RNF216: variants seen among roughly 807,000 people sequenced by gnomAD.
RNF216 encodes the protein E3 ubiquitin-protein ligase RNF216.
In RNF216, 72 loss-of-function variants were observed where a neutral mutation model predicts 110.8. That is an observed-to-expected ratio of 0.65 (90% confidence interval 0.54 to 0.79). The LOEUF (loss-of-function observed/expected upper bound fraction) is 0.79, where lower values mean the gene tolerates loss of function less well. RNF216 is among the 30% of genes least tolerant of loss of function. RNF216 has a pLI of 0.00. For synonymous variants in RNF216, 495 were observed against 407.5 expected (o/e 1.21, Z -2.59); for missense variants, 1,342 against 1,141.2 (o/e 1.18, Z -2.54).
intron 3 of RNF216, among the ~76,000 whole-genome samples, chr7:5,750,395 A>G (rs989306284): frequency 1.3e-5 from 2 of 152,236 alleles, no homozygotes; most frequent in African/African-American, 2.4e-5. Context: ...GTGCTTTCAA[A>G]TATGTGGTTA....
chr7:5,735,633 G>C (rs1003920602), intron 5 of RNF216, among the ~76,000 whole-genome samples: 2 of 152,164 alleles, frequency 1.3e-5, no homozygotes, highest in African/African-American at 4.8e-5. Context: ...GCATCTCAGA[G>C]ACAAAGAGGT....
intron 13 of RNF216, among the ~76,000 whole-genome samples, chr7:5,684,967 A>AG (rs759094413): frequency 6.6e-6 from 1 of 152,042 alleles, no homozygotes; most frequent in African/African-American, 2.4e-5. Flanking sequence ...CAGGATGTGC[A>AG]GGGGGTATCA....
chr7:5,647,492 C>T (rs1358398145), intron 14 of RNF216, among the ~76,000 whole-genome samples: 2 of 151,834 alleles, frequency 1.3e-5, no homozygotes, highest in African/African-American at 4.8e-5. Flanking sequence ...TGCCACCATG[C>T]CTGGCTAATT....
At chr7:5,731,808 A>T (rs1406460743) in intron 5 of RNF216, among the ~76,000 whole-genome samples, 1 of 151,422 alleles carries the variant, frequency 6.6e-6, no homozygotes, top group Non-Finnish European at 1.5e-5. Flanking sequence ...TAAGGCCTGT[A>T]ATAGTAGAAC....
chr7:5,734,825 A>AAAATAAATAAATAAATAAATAAATAAAT (rs577475175), intron 5 of RNF216, among the ~76,000 whole-genome samples: 69 of 118,138 alleles, frequency 5.8e-4, no homozygotes, highest in Non-Finnish European at 9.3e-4. Flanking sequence ...ACTCTCTCTC[A>AAAATAAATAAATAAATAAATAAATAAAT]AAATAAATAA....
At chr7:5,660,138 C>T (rs1341536605) in intron 13 of RNF216, among the ~76,000 whole-genome samples, 2 of 151,388 alleles carry the variant, frequency 1.3e-5, no homozygotes, top group African/African-American at 2.4e-5. Context: ...TTTATTTGTA[C>T]AGACAGGTAT....
chr7:5,767,651 A>G (rs149516044), intron 1 of RNF216, among the ~76,000 whole-genome samples: 14 of 151,384 alleles, frequency 9.2e-5, no homozygotes, highest in African/African-American at 2.9e-4. Context: ...CCCAGGCTGA[A>G]GTAATGGTGC....
chr7:5,771,962 G>C lies in RNF216; in HGVS notation c.-70+9579C>G, dbSNP rs557252413. ...ACTAAAACCACAAGGGGCCGGGCGT[G>C]GTGGCTCACGCCTGTAATCCCAGCA... On this transcript the variant is annotated intron_variant, in intron 1 of 16. Transcript: ENST00000389902. 3.3e-5 allele frequency among the ~76,000 whole-genome samples: 5 copies of C among 151,416 alleles called. No individual in the cohort carries two copies. In the East Asian group the frequency reaches 1.0e-3, roughly 30 times the overall value.
chr7:5,675,173 G>C (rs1790199211), intron 13 of RNF216, among the ~76,000 whole-genome samples: 1 of 152,136 alleles, frequency 6.6e-6, no homozygotes, highest in Admixed American at 6.6e-5. Context: ...GCTCAAATAA[G>C]GTACCAACTA....
At chr7:5,689,380 G>T (rs948036348) in intron 13 of RNF216, among the ~76,000 whole-genome samples, 1 of 133,490 alleles carries the variant, frequency 7.5e-6, no homozygotes. Flanking sequence ...AAAAAAAAAA[G>T]AAAGAAGAAG....
chr7:5,706,936 G>C (rs1792328267), intron 13 of RNF216, among the ~76,000 whole-genome samples: 1 of 150,310 alleles, frequency 6.7e-6, no homozygotes. Flanking sequence ...TTAAAGAGTT[G>C]ATTTTTGTGT....
At chr7:5,631,926 C>T (rs1787097305) in intron 15 of RNF216, among the ~76,000 whole-genome samples, 1 of 152,184 alleles carries the variant, frequency 6.6e-6, no homozygotes, top group Non-Finnish European at 1.5e-5. Context: ...TAGCTCACAC[C>T]CCCTTCTCCA....
At chr7:5,660,142 C>G (rs1038027826) in intron 13 of RNF216, among the ~76,000 whole-genome samples, 1 of 151,312 alleles carries the variant, frequency 6.6e-6, no homozygotes, top group East Asian at 1.9e-4. Flanking sequence ...TTTGTACAGA[C>G]AGGTATTGCT....
intron 14 of RNF216, among the ~76,000 whole-genome samples, chr7:5,648,806 C>A (rs1015581416): frequency 6.6e-6 from 1 of 151,812 alleles, no homozygotes; most frequent in Admixed American, 6.6e-5. Context: ...AGAAACCAGC[C>A]AACTCTAGAA....
chr7:5,702,085 A>C (rs1190343117), intron 13 of RNF216, among the ~76,000 whole-genome samples: 5 of 152,150 alleles, frequency 3.3e-5, no homozygotes, highest in African/African-American at 1.2e-4. Context: ...GGGTTCTCGG[A>C]GCCCACGCTG....
intron 13 of RNF216, among the ~76,000 whole-genome samples, chr7:5,701,784 G>A (rs1791987027): frequency 6.6e-6 from 1 of 152,186 alleles, no homozygotes; most frequent in African/African-American, 2.4e-5. Flanking sequence ...ACCCAGTGCT[G>A]TGCAGAGCTG....
intron 1 of RNF216, among the ~76,000 whole-genome samples, chr7:5,764,222 A>C (rs955766061): frequency 1.3e-5 from 2 of 152,108 alleles, no homozygotes; most frequent in South Asian, 2.1e-4. Context: ...AAAAAAAAAA[A>C]AAACAGATAA....
chr7:5,677,960 A>G (rs1790411181), intron 13 of RNF216, among the ~76,000 whole-genome samples: 1 of 152,174 alleles, frequency 6.6e-6, no homozygotes, highest in Non-Finnish European at 1.5e-5. Flanking sequence ...TAACTGGAGC[A>G]GTAAGACCAC....
rs1481274814 is a variant in RNF216 at position 5,741,386 on chromosome 7, T to A, written c.631A>T (p.Asn211Tyr). 1.2e-6 allele frequency: 2 copies of A among 1,614,104 alleles called. No individual in the cohort carries two copies. Among genetic ancestry groups the A allele is most frequent in the East Asian group, 2.2e-5 (1 of 44,906 alleles). Reference sequence around the variant, plus strand: ...GCTAGAGCAGCTGACTCTCCTAGATTTGATAACAGCTCTGTCTCTGAGTCT... The same window carrying A: ...GCTAGAGCAGCTGACTCTCCTAGATATGATAACAGCTCTGTCTCTGAGTCT... ...SEDSETELLS[N>Y]LGESAALADD... Residue 211 changes from asparagine (N) to tyrosine (Y), a missense_variant, in exon 4 of 17, where the codon AAT (asparagine) becomes TAT (tyrosine). Physicochemically the swap from Asn to Tyr is moderately radical, Grantham distance 143. Transcript: ENST00000389902.
Sources: allele counts gnomAD v4.1 joint callset (sites outside exome capture counted in the v4.1 genomes callset), GRCh38; gene constraint gnomAD v4.1.1; transcripts MANE v1.5; gene names NCBI Gene and HGNC (gene_info 2026-07-23, HGNC 2026-07-21).